Variants in FBXL14 observed in about 807,000 individuals in gnomAD.
The protein encoded by FBXL14 is F-box/LRR-repeat protein 14.
Under a neutral mutation model 24.5 loss-of-function variants are expected in FBXL14, and 11 were observed. The observed-to-expected ratio is 0.45, with a 90% CI of 0.28 to 0.74. FBXL14 has a LOEUF of 0.74. Among genes scored for constraint, FBXL14 ranks in the 30% least tolerant of loss-of-function variants. FBXL14 has a pLI of 0.12. For missense variants in FBXL14, 384 were observed against 545.6 expected, an observed-to-expected ratio of 0.70 and a Z score of 2.95; for synonymous variants, 294 against 240.4, an observed-to-expected ratio of 1.22 and a Z score of -2.06.
intron 1 of FBXL14, among the ~76,000 whole-genome samples, chr12:1,586,067 TAAC>T (rs1334578133): frequency 6.6e-6 from 1 of 152,246 alleles, no homozygotes; most frequent in Non-Finnish European, 1.5e-5. Context: ...ATAGACCATT[TAAC>T]AACATGTACT....
intron 1 of FBXL14, 110 bp downstream of exon 1, chr12:1,592,763 C>T: frequency 1.0e-6 from 1 of 962,794 alleles, no homozygotes; most frequent in Admixed American, 3.0e-5. Flanking sequence ...CCCATCTCAT[C>T]CGCTGCAATG....
intron 1 of FBXL14, among the ~76,000 whole-genome samples, chr12:1,586,128 C>CT (rs1460511335): frequency 1.3e-5 from 2 of 149,876 alleles, no homozygotes; most frequent in Admixed American, 6.6e-5. Context: ...GCAAACATGT[C>CT]TAAGTTTGCA....
chr12:1,574,024 A>C (rs890891175), intron 1 of FBXL14, among the ~76,000 whole-genome samples: 27 of 152,052 alleles, frequency 1.8e-4, no homozygotes, highest in Non-Finnish European at 3.1e-4. Flanking sequence ...GAAAAAAAAA[A>C]AAAAGAGTGA....
At chr12:1,578,513 C>T (rs1005956625) in intron 1 of FBXL14, among the ~76,000 whole-genome samples, 15 of 152,118 alleles carry the variant, frequency 9.9e-5, no homozygotes, top group Middle Eastern at 3.4e-3. Context: ...TGATGACAGG[C>T]GCCTGTAATT....
chr12:1,594,730 T>C (rs2094498217), upstream of FBXL14, among the ~76,000 whole-genome samples: 1 of 149,092 alleles, frequency 6.7e-6, no homozygotes, highest in South Asian at 2.1e-4. Context: ...GCCGCGGCCG[T>C]CCGGCCGGAG....
intron 1 of FBXL14, chr12:1,574,613 A>G: frequency 4.7e-6 from 1 of 212,680 alleles, no homozygotes; most frequent in South Asian, 6.1e-5. Flanking sequence ...GTAGCCAGAA[A>G]GTTTGCAGAA....
chr12:1,587,295 A>C (rs1182504974), intron 1 of FBXL14: 1 of 151,986 alleles, frequency 6.6e-6, no homozygotes, highest in Non-Finnish European at 1.5e-5. Context: ...AATAATAGAA[A>C]CTTAAGTCTT....
At chr12:1,584,606 G>A (rs965103161) in intron 1 of FBXL14, among the ~76,000 whole-genome samples, 1 of 152,204 alleles carries the variant, frequency 6.6e-6, no homozygotes, top group African/African-American at 2.4e-5. Context: ...ATCTACTCCA[G>A]GCTCTGGAAA....
chr12:1,593,541 G>C lies in FBXL14; in HGVS notation c.526C>G (p.Leu176Val). ...TCCGAAAGGTGGCGGCAGCTGCGGAGGTTAAGGCTCTTGAGGCGCTGCAGA... is the reference window on the plus strand; with the variant it reads ...TCCGAAAGGTGGCGGCAGCTGCGGACGTTAAGGCTCTTGAGGCGCTGCAGA... ...WGLQRLKSLN[L>V]RSCRHLSDVG... The change falls in exon 1 of 2, where the codon CTC becomes GTC. Residue 176 changes from leucine (L) to valine (V), a missense_variant. Leu to Val is a conservative substitution (Grantham distance 32, BLOSUM62 1). Coordinates refer to ENST00000339235, the MANE Select transcript of FBXL14 (RefSeq NM_152441.3). This position sits in a 1 kb window ranked among gnomAD's most constrained non-coding sequence, Gnocchi z 7.4. 1.2e-6 allele frequency: 2 copies of C among 1,614,032 alleles called. No individual in the cohort carries two copies. Among genetic ancestry groups the C allele is most frequent in the Non-Finnish European group, 1.7e-6 (2 of 1,180,000 alleles).
At chr12:1,586,445 G>T (rs2094476730) in intron 1 of FBXL14, among the ~76,000 whole-genome samples, 1 of 152,146 alleles carries the variant, frequency 6.6e-6, no homozygotes, top group Non-Finnish European at 1.5e-5. Flanking sequence ...GTGTTCAAGT[G>T]ATCCTCCCAC....
At chr12:1,584,748 T>A (rs1193938043) in intron 1 of FBXL14, among the ~76,000 whole-genome samples, 3 of 152,248 alleles carry the variant, frequency 2.0e-5, no homozygotes, top group African/African-American at 7.2e-5. Context: ...TGAAGTAAAT[T>A]AGGAAAGGTA....
In FBXL14 at chr12:1,569,611, AGGAT is replaced by A. The variant is rs1592453620; in HGVS notation, c.1195-2805_1195-2802del. Among the ~76,000 whole-genome samples, 1 of 152,168 alleles carries A rather than the reference AGGAT, an allele frequency of 6.6e-6. No individual in the cohort carries two copies. Among genetic ancestry groups the A allele is most frequent in the Non-Finnish European group, 1.5e-5 (1 of 68,020 alleles). On this transcript the variant is annotated intron_variant, in intron 1 of 1. Coordinates refer to ENST00000339235, the MANE Select transcript of FBXL14 (RefSeq NM_152441.3). The surrounding 1 kb of genome is among the most constrained non-coding windows in gnomAD (Gnocchi z 4.2). ...GAGATGGGGTTTCACCGTGTTAGCC[AGGAT>A]GGTCTCGATCTCCTGAACTTGTGAT... is the stretch of plus-strand genomic sequence containing the variant.
At chr12:1,591,453 G>GTTA (rs1053924218) in intron 1 of FBXL14, among the ~76,000 whole-genome samples, 1 of 135,898 alleles carries the variant, frequency 7.4e-6, no homozygotes, top group East Asian at 2.2e-4. Flanking sequence ...GAGGATCTTT[G>GTTA]TTATTATTTA....
In FBXL14 at chr12:1,593,332, G is replaced by A. The variant is rs143067327; in HGVS notation, c.735C>T (p.Gly245=). 8.1e-6 allele frequency: 13 copies of A among 1,613,460 alleles called. No homozygotes were observed. Among genetic ancestry groups the A allele is most frequent in the Non-Finnish European group, 1.1e-5 (13 of 1,180,048 alleles). ...TGCCCATGTGCGACAGGTGCAGGAG[G>A]CCAGCGTCCGAGATTCCCCCACAGA... The part of the protein sequence containing the change: ...LSFCGGISDA[G]LLHLSHMGSL... Residue 245 remains glycine (G), a synonymous_variant, in exon 1 of 2, where the codon GGC becomes GGT. Transcript: ENST00000339235. The surrounding 1 kb of genome is among the most constrained non-coding windows in gnomAD (Gnocchi z 7.4).
chr12:1,578,991 C>A (rs56832868), intron 1 of FBXL14, among the ~76,000 whole-genome samples: 7,598 of 152,036 alleles, frequency 0.05, 357 homozygotes, highest in African/African-American at 0.12. Flanking sequence ...GCTCTTACAA[C>A]ATTTTTGGGA....
chr12:1,580,577 C>T (rs929194865), intron 1 of FBXL14, among the ~76,000 whole-genome samples: 1 of 152,064 alleles, frequency 6.6e-6, no homozygotes, highest in Admixed American at 6.6e-5. Context: ...CTAGTAATCC[C>T]TTAAAAAATA....
rs536205646 is a variant in FBXL14 at position 1,567,878 on chromosome 12, C to G, written c.1195-1068G>C. Among the ~76,000 whole-genome samples the G allele has an allele frequency of 2.4e-4, 36 of 152,364 alleles. 1 individual carries two copies. Among genetic ancestry groups the G allele is most frequent in the Admixed American group, 2.1e-3 (32 of 15,310 alleles). On this transcript the variant is annotated intron_variant, in intron 1 of 1. Transcript: ENST00000339235. This position sits in a 1 kb window ranked among gnomAD's most constrained non-coding sequence, Gnocchi z 4.8. ...GAAAAGGGAAAAGAAAACCCACCCACACGCACACGCGCGCACACACGTGCG... is the reference window on the plus strand; with the variant it reads ...GAAAAGGGAAAAGAAAACCCACCCAGACGCACACGCGCGCACACACGTGCG...
intron 1 of FBXL14, among the ~76,000 whole-genome samples, chr12:1,582,637 C>T (rs1333138340): frequency 2.0e-5 from 3 of 152,116 alleles, no homozygotes; most frequent in Non-Finnish European, 2.9e-5. Context: ...TGTAATTTGC[C>T]TTATGCACAG....
rs947172155 is a variant in FBXL14, at chr12:1,593,365, G to A, written c.702C>T (p.Asn234=). 19 of 1,613,982 alleles carry A rather than the reference G, an allele frequency of 1.2e-5. 1 individual carries two copies. The highest frequency in any genetic ancestry group is 2.2e-5 in the South Asian group (2 of 91,088). ...CCGAGATTCCCCCACAGAAGCTGAG[G>A]TTGAGGAGCCTCAGGCCCGTCAGCC... ...SRGLTGLRLL[N]LSFCGGISDA... Residue 234 remains asparagine (N), a synonymous_variant, in exon 1 of 2, where the codon AAC becomes AAT. Coordinates refer to ENST00000339235, the MANE Select transcript of FBXL14 (RefSeq NM_152441.3). The surrounding 1 kb of genome is among the most constrained non-coding windows in gnomAD (Gnocchi z 7.4).
Sources: gnomAD v4.1 joint callset for allele counts (sites outside exome capture counted in the v4.1 genomes callset) on GRCh38, gnomAD v4.1.1 for gene constraint, Gnocchi (gnomAD v3.1) non-coding constraint, MANE v1.5 for transcripts, NCBI Gene and HGNC (gene_info 2026-07-23, HGNC 2026-07-21) for gene names.